The following NLRP7 variants were observed in gnomAD, a reference collection of about 807,000 sequenced individuals.
The protein encoded by NLRP7 is NLR family pyrin domain containing 7, also known as NACHT, LRR and PYD domains-containing protein 7.
NLRP7 carries 72 observed loss-of-function variants against 85.5 expected under a neutral mutation model. The observed-to-expected ratio is 0.84, with a 90% CI of 0.70 to 1.02. NLRP7 has a LOEUF of 1.02. Among genes scored for constraint, NLRP7 ranks in the 50% least tolerant of loss-of-function variants. NLRP7 has a pLI of 0.00. For missense variants in NLRP7, 1,243 were observed against 1,219.5 expected (o/e 1.02, Z -0.29); for synonymous variants, 550 against 505.2 (o/e 1.09, Z -1.19).
At chr19:54,941,513 T>A (rs1216663768) in exon 2 of NLRP7, 1 of 1,613,884 alleles carries the variant, frequency 6.2e-7, no homozygotes, top group Non-Finnish European at 8.5e-7. Flanking sequence ...GCATTCCTTA[T>A]CCAATTTTCT....
intron 1 of NLRP7, among the ~76,000 whole-genome samples, 190 bp downstream of exon 1, chr19:54,947,279 A>G (rs982427169): frequency 2.0e-5 from 3 of 151,762 alleles, no homozygotes. Flanking sequence ...GCGAACCAAG[A>G]TCACGCCACT....
upstream of NLRP7, among the ~76,000 whole-genome samples, chr19:54,949,781 T>G (rs2069611914): frequency 6.6e-6 from 1 of 152,164 alleles, no homozygotes; most frequent in Non-Finnish European, 1.5e-5. Context: ...ATTGCCCACC[T>G]AAGGAATCCT....
upstream of NLRP7, among the ~76,000 whole-genome samples, chr19:54,948,336 A>G (rs2069560119): frequency 6.6e-6 from 1 of 152,070 alleles, no homozygotes; most frequent in South Asian, 2.1e-4. Context: ...GTGAGGCACG[A>G]TCACGCCATT....
chr19:54,942,451 C>T lies in NLRP7; in HGVS notation c.-39-701G>A, dbSNP rs548700453. On this transcript the variant is annotated intron_variant, in intron 1 of 9. Coordinates refer to ENST00000340844, the Ensembl canonical transcript of NLRP7. ...AGAAATCAGCAAACACGGCAGGGCGCGGTGGCTCACGCCTGTAATCCCAGC... is the reference window on the plus strand; with the variant it reads ...AGAAATCAGCAAACACGGCAGGGCGTGGTGGCTCACGCCTGTAATCCCAGC... Among the ~76,000 whole-genome samples the T allele has an allele frequency of 6.6e-5, 10 of 151,914 alleles. No individual in the cohort carries two copies. The East Asian group carries it at 9.7e-4, about 15-fold the overall frequency.
At chr19:54,957,081 G>C (rs2069881938) in intron 1 of NLRP7, among the ~76,000 whole-genome samples, 1 of 151,842 alleles carries the variant, frequency 6.6e-6, no homozygotes, top group Non-Finnish European at 1.5e-5. Context: ...CAGTGCAGTG[G>C]CGTGATCTTG....
chr19:54,950,073 G>A (rs978363691), upstream of NLRP7, among the ~76,000 whole-genome samples: 4 of 151,694 alleles, frequency 2.6e-5, no homozygotes, highest in African/African-American at 7.3e-5. Flanking sequence ...CTGCACTCCA[G>A]CCTGGGTGAC....
rs2146303666 is a variant in NLRP7, at chr19:54,965,465, T to A, written c.-77+575A>T. The A allele has an allele frequency of 2.0e-5, 2 of 100,390 alleles. 1 individual carries two copies. The highest frequency in any genetic ancestry group is 5.9e-4 in the East Asian group (2 of 3,406). The allele number at this position is 100,390 out of a possible 1,614,324, so 6.2% of individuals were successfully genotyped here. A position where few individuals can be genotyped will look rare whatever the true frequency, so the allele number is the denominator to read the frequency against. ...AAATTTCTCCTTTTATTTCATATAT[T>A]TTTTTTCTGAGACGGAGTCTCGCTC... On this transcript the variant is annotated intron_variant, in intron 1 of 2. Transcript: ENST00000587103.
intron 1 of NLRP7, among the ~76,000 whole-genome samples, chr19:54,944,627 A>G (rs1401495936): frequency 3.9e-5 from 6 of 152,094 alleles, no homozygotes; most frequent in African/African-American, 1.4e-4. Context: ...ACCTGACAAG[A>G]AACACCCACA....
chr19:54,945,946 T>C (rs1433415530), intron 1 of NLRP7, among the ~76,000 whole-genome samples: 1 of 151,232 alleles, frequency 6.6e-6, no homozygotes, highest in Non-Finnish European at 1.5e-5. Flanking sequence ...CCCGCCACTA[T>C]GCCCAGCTAA....
intron 1 of NLRP7, among the ~76,000 whole-genome samples, chr19:54,964,369 A>G (rs1210198720): frequency 6.5e-4 from 94 of 145,552 alleles, no homozygotes; most frequent in South Asian, 1.1e-3. Context: ...GGTGCCCGCC[A>G]CCACGCCCGG....
At chr19:54,939,798 C>A (rs1262869649) in exon 4 of NLRP7, 1 of 1,613,928 alleles carries the variant, frequency 6.2e-7, no homozygotes, top group Non-Finnish European at 8.5e-7. Flanking sequence ...ATGGCTTGGT[C>A]CTCGTCTCCA....
At chr19:54,959,994 G>C (rs902411909) in intron 1 of NLRP7, among the ~76,000 whole-genome samples, 1 of 151,864 alleles carries the variant, frequency 6.6e-6, no homozygotes, top group Non-Finnish European at 1.5e-5. Flanking sequence ...TTGTTGAATT[G>C]TTTTTGAATT....
chr19:54,940,100 C>G, exon 4 of NLRP7: 1 of 1,614,182 alleles, frequency 6.2e-7, no homozygotes, highest in Middle Eastern at 1.6e-4. Flanking sequence ...GGCTAGGATG[C>G]TTGGAATGTC....
Position 54,934,577 on chromosome 19 carries a change from G to A in NLRP7, c.2383C>T (p.Arg795Cys), listed in dbSNP as rs61742869. 2.8e-4 allele frequency: 445 copies of A among 1,614,036 alleles called. 2 individuals are homozygous for A. The African/African-American group carries it at 4.5e-3, about 16-fold the overall frequency. Reference sequence around the variant, plus strand: ...TCCAGGAGCACATTGGCTGAGAGACGCAGGTGCTTCAGGGACTGGTTGGCT... The same window carrying A: ...TCCAGGAGCACATTGGCTGAGAGACACAGGTGCTTCAGGGACTGGTTGGCT... Residue 795 changes from arginine to cysteine, a missense_variant, in exon 7 of 10, where the codon CGT (arginine) becomes TGT (cysteine). Around this residue, in one of 3 missense-constraint regions of NLRP7, gnomAD observed 613 missense variants for 588.4 expected, o/e 1.04. Transcript: ENST00000340844. The surrounding 1 kb of genome is among the most constrained non-coding windows in gnomAD (Gnocchi z 6.7).
chr19:54,964,280 G>A (rs1330261819), intron 1 of NLRP7, among the ~76,000 whole-genome samples: 9 of 127,086 alleles, frequency 7.1e-5, no homozygotes, highest in Non-Finnish European at 1.4e-4. Context: ...GCAGTGGCGC[G>A]ATCTCGGCTC....
intron 9 of NLRP7, among the ~76,000 whole-genome samples, 188 bp downstream of exon 10, chr19:54,927,417 A>G (rs1373674427): frequency 6.6e-6 from 1 of 151,488 alleles, no homozygotes; most frequent in Non-Finnish European, 1.5e-5. Flanking sequence ...AATTAGCTGG[A>G]CATGTTGGCA....
At chr19:54,935,477 CTT>C (rs1225964090) in intron 6 of NLRP7, among the ~76,000 whole-genome samples, 1 of 152,096 alleles carries the variant, frequency 6.6e-6, no homozygotes, top group African/African-American at 2.4e-5. Context: ...AGGCGGATCA[CTT>C]GAGGTCAGGA....
chr19:54,927,846 C>A, intron 9 of NLRP7, 71 bp from the exon 10 acceptor site: 1 of 1,386,690 alleles, frequency 7.2e-7, no homozygotes, highest in Non-Finnish European at 1.0e-6. Context: ...AATCCCAACA[C>A]TTCGGGAGGC....
rs531055840 is a variant in NLRP7, at chr19:54,939,706, C to T, written c.1113G>A (p.Thr371=). The change falls in exon 4 of 10, where the codon ACG becomes ACA. Residue 371 remains threonine (T), a synonymous_variant. Transcript: ENST00000340844. Reference sequence around the variant, plus strand: ...CCTTCTCCATCTGCAGCTTCAGAGTCGTGCACACAATCCAGCACACCGCGG... The same window carrying T: ...CCTTCTCCATCTGCAGCTTCAGAGTTGTGCACACAATCCAGCACACCGCGG... The T allele has an allele frequency of 8.7e-5, 141 of 1,613,502 alleles. No individual in the cohort carries two copies. Among genetic ancestry groups the T allele is most frequent in the Non-Finnish European group, 1.1e-4 (134 of 1,180,026 alleles).
Sources: allele counts gnomAD v4.1 joint callset (sites outside exome capture counted in the v4.1 genomes callset), GRCh38; gene constraint gnomAD v4.1.1; regional missense constraint gnomAD v4.1.1; non-coding constraint Gnocchi (gnomAD v3.1); transcripts MANE v1.5; gene names NCBI Gene and HGNC (gene_info 2026-07-23, HGNC 2026-07-21).